Variants in PAPOLA observed in about 807,000 individuals in gnomAD.
The protein encoded by PAPOLA is poly(A) polymerase alpha.
PAPOLA carries 15 observed loss-of-function variants against 100.6 expected under a neutral mutation model. The observed-to-expected ratio is 0.15, with a 90% confidence interval of 0.10 to 0.23. The LOEUF is 0.23. Among genes scored for constraint, PAPOLA ranks in the 10% least tolerant of loss-of-function variants. The pLI is 1.00. For missense variants in PAPOLA, 533 were observed against 884.2 expected (o/e 0.60, Z 5.04); for synonymous variants, 293 against 300.0 (o/e 0.98, Z 0.24).
At chr14:96,535,141 C>A in intron 10 of PAPOLA, 1 of 956,342 alleles carries the variant, frequency 1.0e-6, no homozygotes, top group Non-Finnish European at 1.2e-6. Context: ...ATGTTAACAA[C>A]ATGCACTTTA....
intron 1 of PAPOLA, among the ~76,000 whole-genome samples, chr14:96,513,155 C>T (rs1461646037): frequency 6.6e-6 from 1 of 152,208 alleles, no homozygotes; most frequent in Admixed American, 6.5e-5. Context: ...CCTCAGCTTC[C>T]TGGGCTCAAG....
chr14:96,531,884 A>G, intron 7 of PAPOLA: 1 of 1,365,046 alleles, frequency 7.3e-7, no homozygotes, highest in Non-Finnish European at 9.4e-7. Context: ...ACCCAAATTA[A>G]TTTTGATCCT....
rs770246220 is a variant in PAPOLA at position 96,542,755 on chromosome 14, CTAAG to C, written c.1170-17_1170-14del. The C allele has an allele frequency of 8.8e-6, 14 of 1,582,886 alleles. No homozygotes were observed. The highest frequency in any genetic ancestry group is 1.7e-4 in the Middle Eastern group (1 of 5,952). On this transcript the variant is annotated splice_polypyrimidine_tract_variant and intron_variant, in intron 13 of 21. Coordinates refer to ENST00000216277, the MANE Select transcript of PAPOLA (RefSeq NM_032632.5). The stretch of plus-strand genomic sequence containing the variant: ...AGTTAACCAAAACTTTTTGTTAATA[CTAAG>C]TGACATTTGTTCAGGGTGGGCTTGG...
intron 9 of PAPOLA, chr14:96,533,250 A>G (rs1411843296): frequency 1.0e-6 from 1 of 984,062 alleles, no homozygotes; most frequent in Non-Finnish European, 1.2e-6. Flanking sequence ...GATTACTGCC[A>G]TTTTATATTA....
chr14:96,541,480 T>C (rs539129954), intron 12 of PAPOLA, among the ~76,000 whole-genome samples: 1 of 152,302 alleles, frequency 6.6e-6, no homozygotes, highest in Admixed American at 6.5e-5. Flanking sequence ...GTATATTGGA[T>C]TGAACTTTTT....
At chr14:96,528,777 A>G (rs1898730191) in intron 6 of PAPOLA, among the ~76,000 whole-genome samples, 1 of 152,208 alleles carries the variant, frequency 6.6e-6, no homozygotes, top group Non-Finnish European at 1.5e-5. Flanking sequence ...AAATGGCTGC[A>G]TCTAAGGTTG....
chr14:96,563,871 T>G (rs980348601), intron 21 of PAPOLA, among the ~76,000 whole-genome samples: 1 of 152,136 alleles, frequency 6.6e-6, no homozygotes, highest in African/African-American at 2.4e-5. Context: ...TGATTGTGAT[T>G]GCATGTTTTT....
chr14:96,557,632 T>C (rs1325374641), intron 19 of PAPOLA, among the ~76,000 whole-genome samples: 2 of 151,124 alleles, frequency 1.3e-5, no homozygotes. Context: ...TTCTTTAGAG[T>C]GGAAAAAAAA....
intron 1 of PAPOLA, among the ~76,000 whole-genome samples, chr14:96,510,470 AAC>A (rs1397812027): frequency 9.5e-5 from 8 of 84,576 alleles, no homozygotes; most frequent in Admixed American, 4.0e-4. Flanking sequence ...AGAGGGACAC[AAC>A]ACACACGCGC....
At chr14:96,515,784 T>C (rs1897409757) in intron 1 of PAPOLA, among the ~76,000 whole-genome samples, 1 of 152,226 alleles carries the variant, frequency 6.6e-6, no homozygotes, top group Non-Finnish European at 1.5e-5. Context: ...TATTTTTCCT[T>C]TTTGTGTTAC....
chr14:96,545,422 G>C (rs1900315463), intron 15 of PAPOLA, among the ~76,000 whole-genome samples: 1 of 152,068 alleles, frequency 6.6e-6, no homozygotes, highest in South Asian at 2.1e-4. Context: ...TAGGGATTCA[G>C]CTATCACCAG....
intron 1 of PAPOLA, among the ~76,000 whole-genome samples, chr14:96,519,325 A>G (rs1897747046): frequency 6.6e-6 from 1 of 152,154 alleles, no homozygotes; most frequent in Non-Finnish European, 1.5e-5. Context: ...ATGTTATTCA[A>G]CTGTTAGTTT....
At chr14:96,561,959 A>C (rs968074989) in intron 20 of PAPOLA, among the ~76,000 whole-genome samples, 1 of 151,616 alleles carries the variant, frequency 6.6e-6, no homozygotes, top group Non-Finnish European at 1.5e-5. Context: ...CAGTGGGACA[A>C]TCTCGGCTCA....
At chr14:96,508,408 G>A (rs1007069510) in intron 1 of PAPOLA, among the ~76,000 whole-genome samples, 1 of 152,178 alleles carries the variant, frequency 6.6e-6, no homozygotes, top group African/African-American at 2.4e-5. Flanking sequence ...GAGATGTGGT[G>A]TTCTGCCTTA....
At chr14:96,534,328 A>G in intron 9 of PAPOLA, 163 bp from the exon 10 acceptor site, 1 of 1,377,902 alleles carries the variant, frequency 7.3e-7, no homozygotes, top group East Asian at 2.6e-5. Context: ...TAGGAGAAAA[A>G]GATTTTGAGT....
Position 96,536,010 on chromosome 14 carries a change from A to G in PAPOLA, c.1030+11A>G. ...AGGAGTTTAAACAAGGTAAGTGTTT[A>G]TCCTTATGCTCTGATTTATACAGGA... is the stretch of plus-strand genomic sequence containing the variant. On this transcript the variant is annotated intron_variant, in intron 11 of 21. Coordinates refer to ENST00000216277, the MANE Select transcript of PAPOLA (RefSeq NM_032632.5). The G allele has an allele frequency of 6.3e-7, 1 of 1,584,768 alleles. No individual in the cohort carries two copies. Among genetic ancestry groups the G allele is most frequent in the Non-Finnish European group, 8.6e-7 (1 of 1,165,016 alleles).
At chr14:96,530,054 GC>G (rs1898860358) in intron 6 of PAPOLA, among the ~76,000 whole-genome samples, 1 of 152,042 alleles carries the variant, frequency 6.6e-6, no homozygotes, top group East Asian at 1.9e-4. Flanking sequence ...ATTATTTTTG[GC>G]TAAATGTAAG....
chr14:96,541,351 G>A (rs141590379), intron 12 of PAPOLA, among the ~76,000 whole-genome samples: 1 of 152,232 alleles, frequency 6.6e-6, no homozygotes, highest in African/African-American at 2.4e-5. Context: ...TAAAATTGTG[G>A]TTATACTGCT....
At chr14:96,542,645 G>A (rs1168462338) in intron 13 of PAPOLA, 129 bp from the exon 14 acceptor site, 1 of 832,296 alleles carries the variant, frequency 1.2e-6, no homozygotes, top group African/African-American at 1.8e-5. Context: ...GCAATTTTGG[G>A]TAGAACATAA....
Sources: gnomAD v4.1 joint callset for allele counts (sites outside exome capture counted in the v4.1 genomes callset) on GRCh38, gnomAD v4.1.1 for gene constraint, MANE v1.5 for transcripts, NCBI Gene and HGNC (gene_info 2026-07-23, HGNC 2026-07-21) for gene names.